The following PER1 variants were observed in gnomAD, a reference collection of about 807,000 sequenced individuals.
The protein encoded by PER1 is period circadian protein homolog 1.
In PER1, 87 loss-of-function variants were observed where a neutral mutation model predicts 125.9. That is an observed-to-expected ratio of 0.69 (90% CI 0.58 to 0.83). PER1 has a LOEUF of 0.83. Among genes scored for constraint, PER1 ranks in the 40% least tolerant of loss-of-function variants. The pLI, the probability that PER1 is intolerant of heterozygous loss-of-function variation, is 0.00. For missense variants in PER1, 1,775 were observed against 1,722.8 expected (o/e 1.03, Z -0.54); for synonymous variants, 801 against 714.7 (o/e 1.12, Z -1.93).
chr17:8,144,821 G>T lies in PER1; in HGVS notation c.2391C>A (p.Arg797=). 1 of 1,586,710 alleles carries T rather than the reference G, an allele frequency of 6.3e-7. No individual in the cohort carries two copies. Among genetic ancestry groups the T allele is most frequent in the Non-Finnish European group, 8.6e-7 (1 of 1,165,428 alleles). Residue 797 remains arginine (R), a synonymous_variant, in exon 18 of 23, where the codon CGC becomes CGA. Transcript: ENST00000317276. ...TQKEEQAFLS[R]FRDLGRLRGL... ...CACGCAGCCTGCCCAGGTCTCGGAA[G>T]CGGCTGAGGAAGGCTTGCTCTTCCT... is the stretch of plus-strand genomic sequence containing the variant.
chr17:8,141,488 G>A (rs1225482123), intron 22 of PER1, 148 bp from the exon 23 acceptor site: 1 of 950,036 alleles, frequency 1.1e-6, no homozygotes, highest in Non-Finnish European at 1.5e-6. Context: ...GGTCCAACAA[G>A]GTTGGACAGT....
chr17:8,141,717 CTCCCCCT>C, intron 22 of PER1, 81 bp downstream of exon 22: 1 of 1,069,290 alleles, frequency 9.4e-7, no homozygotes, highest in Admixed American at 3.6e-5. Context: ...ATTCTTTTTT[CTCCCCCT>C]TGAACTTGAG....
chr17:8,145,191 C>A lies in PER1; in HGVS notation c.2219-198G>T, dbSNP rs114038430. The A allele has an allele frequency of 6.1e-4, 269 of 443,716 alleles. 2 individuals are homozygous for A. Among genetic ancestry groups the A allele is most frequent in the African/African-American group, 5.3e-3 (262 of 49,606 alleles). The allele number at this position is 443,716 out of a possible 1,614,324, so 27.5% of individuals were successfully genotyped here. A position where few individuals can be genotyped will look rare whatever the true frequency, so the allele number is the denominator to read the frequency against. ...GTCCTCCTCTCCATGCAAAGCTGGC[C>A]CAGAAGAAGAGACGATACTCAGGCC... On this transcript the variant is annotated intron_variant, in intron 17 of 22. Transcript: ENST00000317276.
intron 17 of PER1, chr17:8,145,320 GTTTC>G (rs1388162154): frequency 8.0e-6 from 1 of 124,668 alleles, no homozygotes; most frequent in African/African-American, 4.0e-5. Context: ...ACATTTTCTT[GTTTC>G]TTTTTTTTTT....
intron 1 of PER1, among the ~76,000 whole-genome samples, chr17:8,151,187 G>A (rs1302991491): frequency 6.6e-6 from 1 of 152,232 alleles, no homozygotes; most frequent in African/African-American, 2.4e-5. Flanking sequence ...GGAGCAGGAG[G>A]TGAGCTGGTC....
rs201868574 is a variant in PER1 at position 8,146,102 on chromosome 17, T to G, written c.2074A>C (p.Thr692Pro). Residue 692 changes from threonine to proline, a missense_variant, in exon 17 of 23, where the codon ACC becomes CCC. By Grantham distance (38) the Thr-to-Pro change is conservative. Coordinates refer to ENST00000317276, the MANE Select transcript of PER1 (RefSeq NM_002616.3). The part of the protein sequence containing the change: ...PSAALSGEGA[T>P]PRKEPVVGGT... Reference sequence around the variant, plus strand: ...CCCACCACTGGCTCCTTCCGTGGGGTGGCCCCCTCCCCAGACAGCGCTGCT... The same window carrying G: ...CCCACCACTGGCTCCTTCCGTGGGGGGGCCCCCTCCCCAGACAGCGCTGCT... The G allele has an allele frequency of 8.7e-6, 14 of 1,611,248 alleles. No homozygotes were observed. The highest frequency in any genetic ancestry group is 7.7e-5 in the South Asian group (7 of 90,742).
chr17:8,145,865 A>C, intron 17 of PER1, 93 bp downstream of exon 17: 5 of 1,396,486 alleles, frequency 3.6e-6, no homozygotes, highest in South Asian at 1.4e-5. Context: ...CCTTCTCTCC[A>C]TCAGGCCCTA....
intron 13 of PER1, 52 bp from the exon 14 acceptor site, chr17:8,147,054 A>G: frequency 6.7e-7 from 1 of 1,493,874 alleles, no homozygotes; most frequent in South Asian, 1.1e-5. Flanking sequence ...CGCCAGTGTC[A>G]GGGGCCAAGG....
At position 8,147,344 on chromosome 17, in the gene PER1, A is replaced by C. The variant is rs779481142; in HGVS notation, c.1535T>G (p.Val512Gly). ...HSPSPTGLCG[V>G]GAVTSPGPLH... is the part of the protein sequence containing the mutation. ...AGGGCCTGGGGATGTCACGGCGCCGACTCCACAGAGTCCCGTGGGGCTGGG... is the reference window on the plus strand; with the variant it reads ...AGGGCCTGGGGATGTCACGGCGCCGCCTCCACAGAGTCCCGTGGGGCTGGG... The change falls in exon 13 of 23, where the codon GTC becomes GGC. Residue 512 changes from valine to glycine, a missense_variant. By Grantham distance (109) the Val-to-Gly change is moderately radical (BLOSUM62 -3). Coordinates refer to ENST00000317276, the MANE Select transcript of PER1 (RefSeq NM_002616.3). 2 of 1,613,108 alleles carry C rather than the reference A, an allele frequency of 1.2e-6. No individual in the cohort carries two copies. The highest frequency in any genetic ancestry group is 2.7e-5 in the African/African-American group (2 of 74,692).
In PER1 at chr17:8,148,106, G is replaced by A. The variant is rs1432583758; in HGVS notation, c.1128-3C>T. On this transcript the variant is annotated splice_polypyrimidine_tract_variant and splice_region_variant and intron_variant, in intron 9 of 22. Coordinates refer to ENST00000317276, the MANE Select transcript of PER1 (RefSeq NM_002616.3). Reference sequence around the variant, plus strand: ...GGTAGCCCAGCAGGGGGGCAGCCCTGAACGGGAAGGAGGCATCAGAGTGGC... The same window carrying A: ...GGTAGCCCAGCAGGGGGGCAGCCCTAAACGGGAAGGAGGCATCAGAGTGGC... The A allele has an allele frequency of 6.2e-7, 1 of 1,612,998 alleles. No individual in the cohort carries two copies. Among genetic ancestry groups the A allele is most frequent in the Admixed American group, 1.7e-5 (1 of 59,794 alleles).
At position 8,151,675 on chromosome 17, in the gene PER1, C is replaced by T. The variant is rs185451569; in HGVS notation, c.-140+662G>A. ...CTTTAGCCCCTGCGCTGCTTCCCCACCACAAGGACCGAAGCCGGCAACCTG... is the reference window on the plus strand; with the variant it reads ...CTTTAGCCCCTGCGCTGCTTCCCCATCACAAGGACCGAAGCCGGCAACCTG... On this transcript the variant is annotated intron_variant, in intron 1 of 22. Coordinates refer to ENST00000317276, the MANE Select transcript of PER1 (RefSeq NM_002616.3). 7.9e-5 allele frequency among the ~76,000 whole-genome samples: 12 copies of T among 152,290 alleles called. No homozygotes were observed. In the East Asian group the frequency reaches 2.1e-3, roughly 27 times the overall value.
Position 8,148,271 on chromosome 17 carries a change from AGAGT to A in PER1, c.1049-16_1049-13del, listed in dbSNP as rs762995370. 1 of 1,610,724 alleles carries A rather than the reference AGAGT, an allele frequency of 6.2e-7. No individual in the cohort carries two copies. Among genetic ancestry groups the A allele is most frequent in the East Asian group, 2.2e-5 (1 of 44,700 alleles). ...GGGTATCCGGGGAGCTGAGGCACAG[AGAGT>A]GTGGTCACTGGGTTTCGTCCAGAAT... On this transcript the variant is annotated splice_polypyrimidine_tract_variant and intron_variant, in intron 8 of 22. Coordinates refer to ENST00000317276, the MANE Select transcript of PER1 (RefSeq NM_002616.3).
At position 8,150,681 on chromosome 17, in the gene PER1, T is replaced by A; in HGVS notation, c.26A>T (p.Asp9Val). The A allele has an allele frequency of 3.2e-6, 5 of 1,578,874 alleles. No homozygotes were observed. Among genetic ancestry groups the A allele is most frequent in the Non-Finnish European group, 4.3e-6 (5 of 1,165,534 alleles). The change falls in exon 2 of 23, where the codon GAT becomes GTT. Residue 9 changes from aspartate to valine, a missense_variant. By Grantham distance (152) the Asp-to-Val change is radical. Coordinates refer to ENST00000317276, the MANE Select transcript of PER1 (RefSeq NM_002616.3). ...CCCAGGCCTGGGGTCCCCTCCCCCA[T>A]CAGCCCCTTCTAGGGGGCCACTCAT... MSGPLEGA[D>V]GGGDPRPGES...
At chr17:8,141,470 G>A (rs1982074788) in intron 22 of PER1, 130 bp from the exon 23 acceptor site, 6 of 1,090,360 alleles carry the variant, frequency 5.5e-6, no homozygotes, top group Admixed American at 2.7e-5. Context: ...CCACACAGAT[G>A]CACCTGCGGT....
rs763239060 is a variant in PER1, at chr17:8,149,992, C to T, written c.508G>A (p.Ala170Thr). 12 of 1,613,978 alleles carry T rather than the reference C, an allele frequency of 7.4e-6. No homozygotes were observed. Among genetic ancestry groups the T allele is most frequent in the African/African-American group, 1.3e-5 (1 of 74,948 alleles). ...TTACCCTGCACCTGCTTGACACAGG[C>T]CAGTGCGTACTGCAGCGTGGCCAGG... is the stretch of plus-strand genomic sequence containing the variant. ...GTLATLQYAL[A>T]CVKQVQANQE... The change falls in exon 4 of 23, where the codon GCC becomes ACC. Residue 170 changes from alanine (A) to threonine (T), a missense_variant. By Grantham distance (58) the Ala-to-Thr change is moderately conservative. Coordinates refer to ENST00000317276, the MANE Select transcript of PER1 (RefSeq NM_002616.3).
chr17:8,142,256 T>C lies in PER1; in HGVS notation c.3449+13A>G, dbSNP rs1982127884. 6.4e-7 allele frequency: 1 copy of C among 1,571,486 alleles called. No individual in the cohort carries two copies. Among genetic ancestry groups the C allele is most frequent in the Non-Finnish European group, 8.6e-7 (1 of 1,159,900 alleles). On this transcript the variant is annotated intron_variant, in intron 21 of 22. Transcript: ENST00000317276. ...CTGAAAGGAAGGCCAAGAAGGCCTC[T>C]GAAATGCCTCACCTGGAGGGCACCT... is the stretch of plus-strand genomic sequence containing the variant.
chr17:8,148,799 A>G lies in PER1; in HGVS notation c.906-13T>C, dbSNP rs766833411. 1 of 1,612,976 alleles carries G rather than the reference A, an allele frequency of 6.2e-7. No homozygotes were observed. The highest frequency in any genetic ancestry group is 8.5e-7 in the Non-Finnish European group (1 of 1,179,570). On this transcript the variant is annotated splice_polypyrimidine_tract_variant and intron_variant, in intron 7 of 22. Coordinates refer to ENST00000317276, the MANE Select transcript of PER1 (RefSeq NM_002616.3). Reference sequence around the variant, plus strand: ...GTCAGGACCTCCTCTAGCAAAGGAGAGAGGAGCATTAGGGACTTTCAACAG... The same window carrying G: ...GTCAGGACCTCCTCTAGCAAAGGAGGGAGGAGCATTAGGGACTTTCAACAG...
Position 8,144,811 on chromosome 17 carries a change from G to T in PER1, c.2401C>A (p.Leu801Met). Reference sequence around the variant, plus strand: ...CTGTCGAGTCCACGCAGCCTGCCCAGGTCTCGGAAGCGGCTGAGGAAGGCT... The same window carrying T: ...CTGTCGAGTCCACGCAGCCTGCCCATGTCTCGGAAGCGGCTGAGGAAGGCT... Reference protein sequence around the residue: ...EQAFLSRFRDLGRLRGLDSSS... With the variant: ...EQAFLSRFRDMGRLRGLDSSS... The change falls in exon 18 of 23, where the codon CTG becomes ATG. Residue 801 changes from leucine (L) to methionine (M), a missense_variant. Leu to Met is a conservative substitution (Grantham distance 15, BLOSUM62 2). Coordinates refer to ENST00000317276, the MANE Select transcript of PER1 (RefSeq NM_002616.3). 1 of 1,586,036 alleles carries T rather than the reference G, an allele frequency of 6.3e-7. No homozygotes were observed. Among genetic ancestry groups the T allele is most frequent in the Non-Finnish European group, 8.6e-7 (1 of 1,165,346 alleles).
Position 8,148,007 on chromosome 17 carries a change from G to T in PER1, c.1224C>A (p.Ile408=). The change falls in exon 10 of 23, where the codon ATC becomes ATA. Residue 408 remains isoleucine (I), a synonymous_variant. Transcript: ENST00000317276. ...GCGAGAGGAACTCACTCTTCTTGTG[G>T]ATAGCCAGCATGAGGGGTCGGTCCT... is the stretch of plus-strand genomic sequence containing the variant. ...HPEDRPLMLA[I]HKKILQLAGQ... 1 of 1,612,344 alleles carries T rather than the reference G, an allele frequency of 6.2e-7. No individual in the cohort carries two copies. The highest frequency in any genetic ancestry group is 2.2e-5 in the East Asian group (1 of 44,852).
Sources: gnomAD v4.1 joint callset for allele counts (sites outside exome capture counted in the v4.1 genomes callset) on GRCh38, gnomAD v4.1.1 for gene constraint, MANE v1.5 for transcripts, NCBI Gene and HGNC (gene_info 2026-07-23, HGNC 2026-07-21) for gene names.